CNTN5: variants seen among roughly 807,000 people sequenced by gnomAD.
The protein encoded by CNTN5 is contactin-5.
Under a neutral mutation model 129.1 loss-of-function variants are expected in CNTN5, and 77 were observed. The observed-to-expected ratio is 0.60, with a 90% CI of 0.50 to 0.72. The LOEUF (loss-of-function observed/expected upper bound fraction) is 0.72. CNTN5 is among the 30% of genes least tolerant of loss of function. The pLI is 0.00. For missense variants in CNTN5, 1,478 were observed against 1,328.8 expected, an observed-to-expected ratio of 1.11 and a Z score of -1.75; for synonymous variants, 509 against 465.6, an observed-to-expected ratio of 1.09 and a Z score of -1.20.
chr11:99,939,665 C>T (rs1205443896), intron 7 of CNTN5, among the ~76,000 whole-genome samples: 2 of 151,820 alleles, frequency 1.3e-5, no homozygotes, highest in Non-Finnish European at 2.9e-5. Context: ...AAAAATAGGG[C>T]CCAAATCACT....
intron 6 of CNTN5, among the ~76,000 whole-genome samples, chr11:99,848,274 G>A (rs1947765935): frequency 6.6e-6 from 1 of 152,100 alleles, no homozygotes; most frequent in Non-Finnish European, 1.5e-5. Flanking sequence ...ATTTTCTGAA[G>A]ACCAGGCTTG....
chr11:99,406,972 G>A (rs1367952163), intron 2 of CNTN5, among the ~76,000 whole-genome samples: 1 of 151,724 alleles, frequency 6.6e-6, no homozygotes, highest in South Asian at 2.1e-4. Flanking sequence ...GCCCAAGGTA[G>A]GTCCAAAAAT....
chr11:99,700,454 A>G (rs1299809625), intron 3 of CNTN5, among the ~76,000 whole-genome samples: 4 of 151,422 alleles, frequency 2.6e-5, no homozygotes, highest in Admixed American at 1.3e-4. Context: ...TTACATTTAG[A>G]CAAGGCAAGG....
intron 3 of CNTN5, among the ~76,000 whole-genome samples, chr11:99,785,658 A>G (rs2135409705): frequency 6.6e-6 from 1 of 152,248 alleles, no homozygotes; most frequent in East Asian, 1.9e-4. Flanking sequence ...CCACCTTATC[A>G]AGTCGACTTC....
At chr11:99,549,165 A>C (rs1243345566) in intron 2 of CNTN5, among the ~76,000 whole-genome samples, 1 of 151,040 alleles carries the variant, frequency 6.6e-6, no homozygotes, top group Non-Finnish European at 1.5e-5. Context: ...TATGATTCTG[A>C]CCTTTATCAT....
chr11:99,788,635 G>T (rs78468290), intron 3 of CNTN5, among the ~76,000 whole-genome samples: 148 of 152,000 alleles, frequency 9.7e-4, no homozygotes, highest in African/African-American at 3.5e-3. Flanking sequence ...TATTGCAGCA[G>T]ATAACAACTT....
At chr11:99,916,031 T>G in intron 6 of CNTN5, 23 bp from the exon 7 acceptor site, 1 of 1,577,736 alleles carries the variant, frequency 6.3e-7, no homozygotes, top group Non-Finnish European at 8.7e-7. Context: ...GCCTTGGATC[T>G]AAATGTTTTA....
chr11:100,075,273 T>C (rs960660658), intron 13 of CNTN5, among the ~76,000 whole-genome samples: 2 of 152,094 alleles, frequency 1.3e-5, no homozygotes, highest in Non-Finnish European at 2.9e-5. Flanking sequence ...TTAAACAATT[T>C]TTGGAATTAC....
At chr11:99,254,515 T>G (rs540145309) in intron 1 of CNTN5, among the ~76,000 whole-genome samples, 4 of 152,072 alleles carry the variant, frequency 2.6e-5, no homozygotes, top group African/African-American at 9.6e-5. Flanking sequence ...ATTGAAGCTA[T>G]TGCTTTGGCT....
intron 1 of CNTN5, among the ~76,000 whole-genome samples, chr11:99,166,588 C>T (rs1477937070): frequency 6.6e-6 from 1 of 151,884 alleles, no homozygotes; most frequent in Non-Finnish European, 1.5e-5. Context: ...ATAATGCATG[C>T]AAGGCATTTA....
intron 16 of CNTN5, among the ~76,000 whole-genome samples, chr11:100,228,184 C>T (rs1018248391): frequency 2.0e-5 from 3 of 152,134 alleles, no homozygotes; most frequent in African/African-American, 7.2e-5. Flanking sequence ...TAGTACAAAA[C>T]AGTAGGTCAA....
chr11:99,183,706 T>C (rs1364095826), intron 1 of CNTN5, among the ~76,000 whole-genome samples: 2 of 152,098 alleles, frequency 1.3e-5, no homozygotes, highest in Non-Finnish European at 2.9e-5. Context: ...CATTTACTCC[T>C]TTGGTTTAAT....
intron 2 of CNTN5, among the ~76,000 whole-genome samples, chr11:99,416,169 T>TTTATTAC (rs1942646628): frequency 6.6e-6 from 1 of 152,180 alleles, no homozygotes; most frequent in East Asian, 1.9e-4. Flanking sequence ...TATTTACTTA[T>TTTATTAC]TTATTGGTGT....
At chr11:99,254,283 A>G (rs1862267147) in intron 1 of CNTN5, among the ~76,000 whole-genome samples, 1 of 151,972 alleles carries the variant, frequency 6.6e-6, no homozygotes, top group African/African-American at 2.4e-5. Context: ...GTTTAAAAAA[A>G]TTATACTTGC....
chr11:99,572,489 C>G (rs1231244838), intron 3 of CNTN5, among the ~76,000 whole-genome samples: 1 of 152,094 alleles, frequency 6.6e-6, no homozygotes, highest in African/African-American at 2.4e-5. Context: ...TTTAGTTTGC[C>G]TAAGTGTCCA....
At chr11:99,669,218 A>G (rs556044439) in intron 3 of CNTN5, among the ~76,000 whole-genome samples, 4 of 152,294 alleles carry the variant, frequency 2.6e-5, no homozygotes, top group Non-Finnish European at 4.4e-5. Flanking sequence ...TACTTATGCT[A>G]TAATCAACGA....
chr11:99,930,126 A>G (rs1194972449), intron 7 of CNTN5, among the ~76,000 whole-genome samples: 2 of 152,074 alleles, frequency 1.3e-5, no homozygotes, highest in Non-Finnish European at 2.9e-5. Context: ...GAGGGGCCAC[A>G]TGCATCATTT....
At chr11:99,191,766 TA>T (rs1858655736) in intron 1 of CNTN5, among the ~76,000 whole-genome samples, 1 of 151,646 alleles carries the variant, frequency 6.6e-6, no homozygotes, top group Admixed American at 6.6e-5. Context: ...CCTGAGACAA[TA>T]AAAAATGGAC....
chr11:100,080,514 G>GAGAC (rs1944319227), intron 13 of CNTN5, among the ~76,000 whole-genome samples: 1 of 152,128 alleles, frequency 6.6e-6, no homozygotes, highest in African/African-American at 2.4e-5. Flanking sequence ...TACTGACTCA[G>GAGAC]AGACATATGG....
Sources: gnomAD v4.1 joint callset for allele counts (sites outside exome capture counted in the v4.1 genomes callset) on GRCh38, gnomAD v4.1.1 for gene constraint, MANE v1.5 for transcripts, NCBI Gene and HGNC (gene_info 2026-07-23, HGNC 2026-07-21) for gene names.